The following CCSER2 variants were observed in gnomAD, a reference collection of about 807,000 sequenced individuals.
The protein encoded by CCSER2 is serine-rich coiled-coil domain-containing protein 2.
CCSER2 carries 46 observed loss-of-function variants against 92.3 expected under a neutral mutation model. That is an observed-to-expected ratio of 0.50 (90% confidence interval 0.39 to 0.64). The LOEUF is 0.64. Among genes scored for constraint, CCSER2 ranks in the 30% least tolerant of loss-of-function variants. CCSER2 has a pLI of 0.00. For missense variants in CCSER2, 1,244 were observed against 1,238.9 expected (o/e 1.00, Z -0.06); for synonymous variants, 433 against 431.4 (o/e 1.00, Z -0.04).
intron 1 of CCSER2, among the ~76,000 whole-genome samples, chr10:84,335,257 A>G (rs1187816422): frequency 2.0e-5 from 2 of 100,628 alleles, no homozygotes; most frequent in African/African-American, 6.9e-5. Flanking sequence ...TTTTTGAGAC[A>G]GGGTCTCTGG....
chr10:84,436,325 CAAAAAA>C (rs1160681619), intron 5 of CCSER2, among the ~76,000 whole-genome samples: 26 of 14,338 alleles, frequency 1.8e-3, no homozygotes, highest in Middle Eastern at 0.25. Context: ...GACTCCGTCT[CAAAAAA>C]AAAAAAAAAA....
chr10:84,352,508 G>A (rs1249317770), intron 1 of CCSER2, among the ~76,000 whole-genome samples: 1 of 151,942 alleles, frequency 6.6e-6, no homozygotes, highest in Non-Finnish European at 1.5e-5. Context: ...GGGGTGGGGA[G>A]CAGTCTTCTC....
chr10:84,416,577 G>T (rs1401512633), intron 3 of CCSER2, among the ~76,000 whole-genome samples: 1 of 152,122 alleles, frequency 6.6e-6, no homozygotes, highest in African/African-American at 2.4e-5. Context: ...ACCCAACATA[G>T]GAAACAGTTT....
At chr10:84,478,629 T>C (rs919094913) in intron 9 of CCSER2, among the ~76,000 whole-genome samples, 9 of 152,220 alleles carry the variant, frequency 5.9e-5, no homozygotes, top group African/African-American at 2.2e-4. Context: ...ATGATCCCCT[T>C]TCATCCCAGA....
At chr10:84,462,093 C>T (rs894436384) in intron 6 of CCSER2, among the ~76,000 whole-genome samples, 2 of 152,036 alleles carry the variant, frequency 1.3e-5, no homozygotes, top group African/African-American at 4.8e-5. Flanking sequence ...GGGAAGTGAT[C>T]TTAGGTTATT....
At chr10:84,351,839 A>G (rs1306896706) in intron 1 of CCSER2, among the ~76,000 whole-genome samples, 4 of 152,242 alleles carry the variant, frequency 2.6e-5, no homozygotes, top group African/African-American at 9.6e-5. Context: ...GCCTTACCAC[A>G]TTATAATAAT....
chr10:84,414,394 C>T (rs1178237592), intron 3 of CCSER2, among the ~76,000 whole-genome samples: 1 of 152,142 alleles, frequency 6.6e-6, no homozygotes, highest in Non-Finnish European at 1.5e-5. Context: ...TCTTATTTCT[C>T]CTTTGCTTAT....
chr10:84,437,170 G>C lies in CCSER2; in HGVS notation c.1869-1342G>C, dbSNP rs374121338. On this transcript the variant is annotated intron_variant, in intron 5 of 9. Transcript: ENST00000372088. ...ACACACAGAGAGAGAGAGAGAGAGA[G>C]AGAGACAGAGAGACAGAGAGAGACA... Among the ~76,000 whole-genome samples, 1,065 of 151,716 alleles carry C rather than the reference G, an allele frequency of 7.0e-3. 10 individuals carry two copies. The highest frequency in any genetic ancestry group is 0.024 in the African/African-American group (1,011 of 41,386).
chr10:84,487,145 A>G (rs966357115), intron 9 of CCSER2, among the ~76,000 whole-genome samples: 1 of 152,310 alleles, frequency 6.6e-6, no homozygotes, highest in South Asian at 2.1e-4. Flanking sequence ...TGGTTACTGT[A>G]GCCTTGTAGT....
At chr10:84,475,433 T>C (rs1291671954) in intron 8 of CCSER2, among the ~76,000 whole-genome samples, 2 of 152,204 alleles carry the variant, frequency 1.3e-5, no homozygotes, top group South Asian at 2.1e-4. Context: ...CCAAATATTA[T>C]TTTTCATGTG....
chr10:84,382,658 G>C (rs1840977530), intron 3 of CCSER2, among the ~76,000 whole-genome samples: 1 of 152,132 alleles, frequency 6.6e-6, no homozygotes, highest in African/African-American at 2.4e-5. Flanking sequence ...ATATTTAGGA[G>C]GTGATAATTT....
In CCSER2 at chr10:84,340,860, C is replaced by T. The variant is rs200103776; in HGVS notation, c.-40+12052C>T. ...GTTTTTTGGCCACTTCCTGTGTTCCCGACTTGTTAGTGTTAGTAATAAGAG... is the reference window on the plus strand; with the variant it reads ...GTTTTTTGGCCACTTCCTGTGTTCCTGACTTGTTAGTGTTAGTAATAAGAG... On this transcript the variant is annotated intron_variant, in intron 1 of 9. Transcript: ENST00000372088. Among the ~76,000 whole-genome samples, 7 of 151,908 alleles carry T rather than the reference C, an allele frequency of 4.6e-5. No individual in the cohort carries two copies. The East Asian group carries it at 9.7e-4, about 21-fold the overall frequency.
chr10:84,386,351 TCCATTAGTAGTTGATTG>T (rs1167876884), intron 3 of CCSER2, among the ~76,000 whole-genome samples: 4 of 152,218 alleles, frequency 2.6e-5, no homozygotes, highest in African/African-American at 7.2e-5. Context: ...AACTTAAGTG[TCCATTAGTAGTTGATTG>T]GATAAAGAAA....
chr10:84,350,948 AG>A (rs1236007162), intron 1 of CCSER2, among the ~76,000 whole-genome samples: 2 of 152,238 alleles, frequency 1.3e-5, no homozygotes, highest in African/African-American at 4.8e-5. Flanking sequence ...TGGTTAATGA[AG>A]GATAAAGATA....
chr10:84,385,443 A>G (rs1051385934), intron 3 of CCSER2, among the ~76,000 whole-genome samples: 2 of 152,220 alleles, frequency 1.3e-5, no homozygotes, highest in African/African-American at 4.8e-5. Context: ...AGAACCAAGA[A>G]GTAAAGCCAC....
At chr10:84,475,720 C>T (rs540536483) in intron 8 of CCSER2, among the ~76,000 whole-genome samples, 17 of 152,234 alleles carry the variant, frequency 1.1e-4, no homozygotes, top group African/African-American at 3.6e-4. Context: ...GTTTTCGTTA[C>T]GATAGTGTTT....
intron 9 of CCSER2, chr10:84,499,901 T>C: frequency 6.2e-7 from 1 of 1,614,060 alleles, no homozygotes; most frequent in Admixed American, 1.7e-5. Flanking sequence ...CCTCCTTCTC[T>C]CCTTGGCAGG....
chr10:84,443,626 G>A (rs993738369), intron 6 of CCSER2, among the ~76,000 whole-genome samples: 6 of 152,108 alleles, frequency 3.9e-5, no homozygotes, highest in East Asian at 1.9e-4. Context: ...ATTTGATCCC[G>A]CAATCCCATT....
chr10:84,397,719 AG>A (rs1841917472), intron 3 of CCSER2, among the ~76,000 whole-genome samples: 2 of 152,330 alleles, frequency 1.3e-5, no homozygotes, highest in African/African-American at 4.8e-5. Flanking sequence ...ACTTGATTTG[AG>A]CTTACTGCTG....
Sources: gnomAD v4.1 joint callset for allele counts (sites outside exome capture counted in the v4.1 genomes callset) on GRCh38, gnomAD v4.1.1 for gene constraint, MANE v1.5 for transcripts, NCBI Gene and HGNC (gene_info 2026-07-23, HGNC 2026-07-21) for gene names.